KIF14: variants seen among roughly 807,000 people sequenced by gnomAD.
KIF14 encodes kinesin-like protein KIF14.
In KIF14, 98 loss-of-function variants were observed where a neutral mutation model predicts 176.2. The observed-to-expected ratio is 0.56, with a 90% CI of 0.47 to 0.66. The LOEUF (loss-of-function observed/expected upper bound fraction) is 0.66. Ranked by LOEUF, KIF14 falls within the 30% of genes least tolerant of loss-of-function variation. The pLI is 0.00. For synonymous variants in KIF14, 566 were observed against 632.2 expected, an observed-to-expected ratio of 0.90 and a Z score of 1.57; for missense variants, 1,751 against 1,920.4, an observed-to-expected ratio of 0.91 and a Z score of 1.65.
At chr1:200,584,700 C>G (rs1179766114) in intron 19 of KIF14, among the ~76,000 whole-genome samples, 2 of 152,092 alleles carry the variant, frequency 1.3e-5, no homozygotes, top group Non-Finnish European at 2.9e-5. Flanking sequence ...GAAGAATGTA[C>G]CTCAACATAA....
chr1:200,602,908 G>A (rs1659695650), intron 10 of KIF14, among the ~76,000 whole-genome samples: 1 of 152,150 alleles, frequency 6.6e-6, no homozygotes, highest in African/African-American at 2.4e-5. Context: ...TACAAGAACA[G>A]TTATTTACAC....
intron 23 of KIF14, among the ~76,000 whole-genome samples, chr1:200,566,736 G>A (rs1369989559): frequency 2.0e-5 from 3 of 151,990 alleles, no homozygotes; most frequent in Non-Finnish European, 1.5e-5. Flanking sequence ...CACAGTAGGT[G>A]GGACAACAAG....
In KIF14 at chr1:200,617,892, G is replaced by A; in HGVS notation, c.832C>T (p.Pro278Ser). The A allele has an allele frequency of 6.2e-7, 1 of 1,614,088 alleles. No individual in the cohort carries two copies. The highest frequency in any genetic ancestry group is 2.2e-5 in the East Asian group (1 of 44,884). ...TTGTGTTCTGTTGTACATTTTGTAG[G>A]TGTTCTTTTTTCTAAGCTCCCAAAT... ...NKFGSLEKRT[P>S]TKCTTEHKLT... The change falls in exon 2 of 30, where the codon CCT (proline) becomes TCT (serine). Residue 278 changes from proline to serine, a missense_variant. Transcript: ENST00000367350.
chr1:200,581,331 A>G (rs747490699), intron 19 of KIF14, 37 bp from the exon 20 acceptor site: 17 of 1,182,080 alleles, frequency 1.4e-5, no homozygotes, highest in Middle Eastern at 3.9e-4. Flanking sequence ...CAAAATACAT[A>G]CATGGACACT....
At chr1:200,576,445 T>C (rs1571492928) in intron 21 of KIF14, among the ~76,000 whole-genome samples, 1 of 134,100 alleles carries the variant, frequency 7.5e-6, no homozygotes, top group Non-Finnish European at 1.5e-5. Context: ...GCCACTGCAC[T>C]CCAGCCTGGG....
intron 19 of KIF14, among the ~76,000 whole-genome samples, chr1:200,585,805 C>A (rs1217765883): frequency 6.6e-6 from 1 of 152,180 alleles, no homozygotes; most frequent in African/African-American, 2.4e-5. Context: ...TCATGACTTA[C>A]TCACCTGCCA....
intron 4 of KIF14, among the ~76,000 whole-genome samples, chr1:200,610,872 T>A (rs1286286711): frequency 6.6e-6 from 1 of 152,062 alleles, no homozygotes; most frequent in Non-Finnish European, 1.5e-5. Context: ...CAGAGTAGAT[T>A]GAACCAGAAA....
intron 19 of KIF14, among the ~76,000 whole-genome samples, chr1:200,584,399 A>G (rs1658628827): frequency 1.3e-5 from 2 of 152,144 alleles, no homozygotes; most frequent in Non-Finnish European, 2.9e-5. Flanking sequence ...CAAAGACACT[A>G]CAAGAAAAGA....
chr1:200,573,289 G>A (rs1275877748), intron 22 of KIF14, among the ~76,000 whole-genome samples: 1 of 152,004 alleles, frequency 6.6e-6, no homozygotes, highest in East Asian at 1.9e-4. Flanking sequence ...TGAAGCCTAG[G>A]GATGTAATGT....
At chr1:200,601,571 TCATA>T (rs1413561186) in intron 11 of KIF14, among the ~76,000 whole-genome samples, 2 of 152,024 alleles carry the variant, frequency 1.3e-5, no homozygotes, top group African/African-American at 4.8e-5. Flanking sequence ...GGAAGAGAGG[TCATA>T]AGAGAAAAAT....
intron 18 of KIF14, 26 bp downstream of exon 18, chr1:200,589,191 G>C: frequency 6.4e-7 from 1 of 1,565,910 alleles, no homozygotes; most frequent in Admixed American, 1.9e-5. Context: ...TCAGAATAGA[G>C]TTAACTGGTT....
At chr1:200,572,589 C>T (rs1419576649) in intron 22 of KIF14, among the ~76,000 whole-genome samples, 4 of 152,158 alleles carry the variant, frequency 2.6e-5, no homozygotes, top group Admixed American at 6.5e-5. Flanking sequence ...GTGATCCGCC[C>T]ACCTTGGCCT....
At chr1:200,555,919 T>A (rs1656808192) in intron 27 of KIF14, among the ~76,000 whole-genome samples, 2 of 152,232 alleles carry the variant, frequency 1.3e-5, no homozygotes, top group African/African-American at 4.8e-5. Context: ...ATATTTGTTA[T>A]AACAAATTTT....
chr1:200,564,835 A>T (rs1335751208), intron 25 of KIF14, among the ~76,000 whole-genome samples: 1 of 152,224 alleles, frequency 6.6e-6, no homozygotes, highest in African/African-American at 2.4e-5. Context: ...TGGGGTTGTT[A>T]TAAGGATTAA....
At chr1:200,603,063 A>G (rs1273979526) in intron 10 of KIF14, among the ~76,000 whole-genome samples, 163 bp downstream of exon 10, 2 of 152,220 alleles carry the variant, frequency 1.3e-5, no homozygotes, top group South Asian at 2.1e-4. Context: ...CACAGAGCTT[A>G]TAAGATGCTG....
In KIF14 at chr1:200,620,595, G is replaced by A. The variant is rs115817795; in HGVS notation, c.-300C>T. On this transcript the variant is annotated 5_prime_UTR_variant, in exon 1 of 30. Transcript: ENST00000367350. ...CTGGAGCTAAGACCACCCGCCCGCA[G>A]AGCAGTGGTCGCCTGTAGGGAAAGC... is the stretch of plus-strand genomic sequence containing the variant. 1 of 151,614 alleles carries A rather than the reference G, an allele frequency of 6.6e-6. No homozygotes were observed. The highest frequency in any genetic ancestry group is 1.5e-5 in the Non-Finnish European group (1 of 68,156). The allele number at this position is 151,614 out of a possible 1,614,324, so 9.4% of individuals were successfully genotyped here. A position where few individuals can be genotyped will look rare whatever the true frequency, so the allele number is the denominator to read the frequency against.
chr1:200,555,362 A>T lies in KIF14; in HGVS notation c.4428+18T>A. The stretch of plus-strand genomic sequence containing the variant: ...TAAAAAATAAGCAAAATTAAAATCA[A>T]TTTAAAGCTTCTCTTACAATTTTCG... On this transcript the variant is annotated intron_variant, in intron 28 of 29. Transcript: ENST00000367350. 6.8e-7 allele frequency: 1 copy of T among 1,465,362 alleles called. No individual in the cohort carries two copies. The highest frequency in any genetic ancestry group is 9.4e-7 in the Non-Finnish European group (1 of 1,065,478). The allele number at this position is 1,465,362 out of a possible 1,614,324, so 90.8% of individuals were successfully genotyped here.
At chr1:200,593,636 G>A (rs1659163082) in intron 15 of KIF14, 31 bp downstream of exon 15, 1 of 1,333,032 alleles carries the variant, frequency 7.5e-7, no homozygotes. Flanking sequence ...AAGTCGAACA[G>A]TTTCTTATAT....
intron 5 of KIF14, among the ~76,000 whole-genome samples, chr1:200,607,652 G>C (rs1293465390): frequency 6.6e-6 from 1 of 152,102 alleles, no homozygotes; most frequent in Non-Finnish European, 1.5e-5. Flanking sequence ...TAAGTTTCTT[G>C]ATGTTGCCAA....
Sources: allele counts gnomAD v4.1 joint callset (sites outside exome capture counted in the v4.1 genomes callset), GRCh38; gene constraint gnomAD v4.1.1; transcripts MANE v1.5; gene names NCBI Gene and HGNC (gene_info 2026-07-23, HGNC 2026-07-21).